The following IGF2BP3 variants were observed in gnomAD, a reference collection of about 807,000 sequenced individuals.
IGF2BP3 encodes the protein insulin like growth factor 2 mRNA binding protein 3.
In IGF2BP3, 9 loss-of-function variants were observed where a neutral mutation model predicts 73.8. That is an observed-to-expected ratio of 0.12 (90% CI 0.07 to 0.21). The LOEUF is 0.21. Among genes scored for constraint, IGF2BP3 ranks in the 10% least tolerant of loss-of-function variants. The pLI is 1.00. For missense variants in IGF2BP3, 542 were observed against 714.0 expected (o/e 0.76, Z 2.75); for synonymous variants, 258 against 256.7 (o/e 1.01, Z -0.05).
chr7:23,403,475 C>A (rs1232823369), intron 3 of IGF2BP3, among the ~76,000 whole-genome samples: 1 of 152,068 alleles, frequency 6.6e-6, no homozygotes, highest in African/African-American at 2.4e-5. Flanking sequence ...CTGTGAATTT[C>A]ACTTCAGGAT....
intron 3 of IGF2BP3, 105 bp downstream of exon 3, chr7:23,418,671 G>A: frequency 1.4e-6 from 1 of 731,392 alleles, no homozygotes; most frequent in Non-Finnish European, 2.3e-6. Context: ...AGAATTTTAT[G>A]TTCTAGCACA....
intron 3 of IGF2BP3, among the ~76,000 whole-genome samples, chr7:23,388,544 C>T (rs968100402): frequency 1.3e-5 from 2 of 149,758 alleles, no homozygotes; most frequent in Admixed American, 6.7e-5. Flanking sequence ...AAATCGGTTT[C>T]AAGGGGAACA....
intron 10 of IGF2BP3, among the ~76,000 whole-genome samples, chr7:23,330,082 C>T (rs1784404981): frequency 6.6e-6 from 1 of 151,892 alleles, no homozygotes; most frequent in Non-Finnish European, 1.5e-5. Context: ...GTCAGGAGTT[C>T]GACACCAGCC....
At chr7:23,447,648 A>C (rs1788097391) in intron 2 of IGF2BP3, among the ~76,000 whole-genome samples, 1 of 151,962 alleles carries the variant, frequency 6.6e-6, no homozygotes, top group South Asian at 2.1e-4. Context: ...ACAACAAAAA[A>C]ATGAAGACCA....
intron 3 of IGF2BP3, chr7:23,414,401 A>G (rs2128533100): frequency 6.6e-6 from 1 of 152,270 alleles, no homozygotes; most frequent in African/African-American, 2.4e-5. Context: ...GAAAGGTAAC[A>G]CTCCAGGTAC....
chr7:23,346,040 T>C lies in IGF2BP3; in HGVS notation c.841A>G (p.Ile281Val). The C allele has an allele frequency of 6.2e-7, 1 of 1,613,524 alleles. No individual in the cohort carries two copies. The highest frequency in any genetic ancestry group is 8.5e-7 in the Non-Finnish European group (1 of 1,179,988). Reference sequence around the variant, plus strand: ...CCAACAAAGTTATTATGAGCTAAAATCTTCAAGGGGATCTCTTCTGTGCTG... The same window carrying C: ...CCAACAAAGTTATTATGAGCTAAAACCTTCAAGGGGATCTCTTCTGTGCTG... ...IKFTEEIPLK[I>V]LAHNNFVGRL... is the part of the protein sequence containing the mutation. Residue 281 changes from isoleucine (I) to valine (V), a missense_variant, in exon 8 of 15, where the codon ATT becomes GTT. Transcript: ENST00000258729.
At chr7:23,320,966 A>G (rs1297808053) in intron 10 of IGF2BP3, among the ~76,000 whole-genome samples, 13 of 145,634 alleles carry the variant, frequency 8.9e-5, no homozygotes, top group South Asian at 2.1e-4. Flanking sequence ...AAAAAAAAAA[A>G]AAAGAAAAAA....
chr7:23,341,804 A>G (rs1007399948), intron 10 of IGF2BP3, among the ~76,000 whole-genome samples: 1 of 152,148 alleles, frequency 6.6e-6, no homozygotes, highest in African/African-American at 2.4e-5. Context: ...TTAAATAAGA[A>G]AAACAATTAC....
rs1477884663 is a variant in IGF2BP3, at chr7:23,375,801, TGGA to T, written c.286-14063_286-14061del. On this transcript the variant is annotated intron_variant, in intron 3 of 14. Coordinates refer to ENST00000258729, the MANE Select transcript of IGF2BP3 (RefSeq NM_006547.3). ...GTTTAAAAGTAAGAATAAAAGCAAC[TGGA>T]GGAGGAGAAGAGGTAGATTCCAAAG... 3.9e-5 allele frequency among the ~76,000 whole-genome samples: 6 copies of T among 152,244 alleles called. No individual in the cohort carries two copies. In the East Asian group the frequency reaches 7.7e-4, roughly 20 times the overall value.
chr7:23,317,124 A>T (rs1440883148), intron 12 of IGF2BP3, among the ~76,000 whole-genome samples: 1 of 152,128 alleles, frequency 6.6e-6, no homozygotes, highest in Non-Finnish European at 1.5e-5. Context: ...AAAGACCTCA[A>T]ATCCCACTAA....
At chr7:23,365,977 C>T (rs574332168) in intron 3 of IGF2BP3, 5 of 152,228 alleles carry the variant, frequency 3.3e-5, no homozygotes, top group African/African-American at 1.2e-4. Flanking sequence ...TGAGAACTAG[C>T]CACCGATCAT....
At chr7:23,312,578 G>A in intron 14 of IGF2BP3, 118 bp from the exon 15 acceptor site, 2 of 921,848 alleles carry the variant, frequency 2.2e-6, no homozygotes, top group East Asian at 2.4e-5. Flanking sequence ...ATACATACTA[G>A]TCAGTTTGCT....
intron 2 of IGF2BP3, among the ~76,000 whole-genome samples, chr7:23,430,711 A>G (rs1413513515): frequency 6.6e-6 from 1 of 152,362 alleles, no homozygotes; most frequent in East Asian, 1.9e-4. Flanking sequence ...TGGGAAAATG[A>G]TCAGTCTTAC....
intron 2 of IGF2BP3, among the ~76,000 whole-genome samples, chr7:23,464,480 A>T (rs1195091179): frequency 6.6e-6 from 1 of 152,116 alleles, no homozygotes; most frequent in East Asian, 1.9e-4. Context: ...AAACAAACAA[A>T]AAACAACGTT....
intron 2 of IGF2BP3, among the ~76,000 whole-genome samples, chr7:23,440,157 G>GCA: frequency 6.6e-6 from 1 of 152,126 alleles, no homozygotes; most frequent in South Asian, 2.1e-4. Context: ...CAGCTACTCG[G>GCA]GAGGCTGAGG....
intron 3 of IGF2BP3, among the ~76,000 whole-genome samples, chr7:23,386,309 A>G (rs1448709565): frequency 6.6e-6 from 1 of 152,148 alleles, no homozygotes; most frequent in African/African-American, 2.4e-5. Flanking sequence ...AAAGGAACCA[A>G]AGCTCCTTAG....
chr7:23,405,541 G>T (rs1786799843), intron 3 of IGF2BP3, among the ~76,000 whole-genome samples: 1 of 152,200 alleles, frequency 6.6e-6, no homozygotes, highest in Admixed American at 6.5e-5. Flanking sequence ...AGGGGAACCG[G>T]GCCGCACAGC....
chr7:23,378,569 GTTTTTTTTTTT>G (rs1156868701), intron 3 of IGF2BP3, among the ~76,000 whole-genome samples: 1 of 65,884 alleles, frequency 1.5e-5, no homozygotes, highest in African/African-American at 7.2e-5. Context: ...ATTTTTGCTT[GTTTTTTTTTTT>G]TTTTTTTTTT....
intron 10 of IGF2BP3, among the ~76,000 whole-genome samples, chr7:23,323,256 C>T (rs1478276348): frequency 6.6e-6 from 1 of 150,626 alleles, no homozygotes; most frequent in South Asian, 2.1e-4. Flanking sequence ...CAAAAAAAGG[C>T]AGGGGTTGCA....
Sources: gnomAD v4.1 joint callset for allele counts (sites outside exome capture counted in the v4.1 genomes callset) on GRCh38, gnomAD v4.1.1 for gene constraint, MANE v1.5 for transcripts, NCBI Gene and HGNC (gene_info 2026-07-23, HGNC 2026-07-21) for gene names.